The following TEKT3 variants were observed in gnomAD, a reference collection of about 807,000 sequenced individuals.
TEKT3 encodes tektin-3.
A neutral mutation model predicts 49.8 loss-of-function variants in TEKT3; 49 were observed. The ratio of observed to expected loss-of-function variants is 0.98; its 90% confidence interval spans 0.78 to 1.25. TEKT3 has a LOEUF of 1.25. Among genes scored for constraint, TEKT3 ranks in the 50% most tolerant of loss-of-function variants. The pLI is 0.00. For missense variants in TEKT3, 595 were observed against 629.5 expected (o/e 0.95, Z 0.59); for synonymous variants, 225 against 237.2 (o/e 0.95, Z 0.47).
chr17:15,335,493 G>A (rs1205692529), intron 2 of TEKT3, among the ~76,000 whole-genome samples: 1 of 152,152 alleles, frequency 6.6e-6, no homozygotes, highest in East Asian at 1.9e-4. Flanking sequence ...GTTAGAGGTA[G>A]GGCTGAACTA....
intron 6 of TEKT3, 144 bp from the exon 7 acceptor site, chr17:15,312,625 G>T (rs565107479): frequency 8.9e-6 from 6 of 677,652 alleles, no homozygotes; most frequent in South Asian, 2.0e-5. Flanking sequence ...TCAGAATGAG[G>T]CTTATTTTCA....
chr17:15,307,925 A>T (rs1003882179), intron 8 of TEKT3, among the ~76,000 whole-genome samples: 6 of 152,306 alleles, frequency 3.9e-5, no homozygotes, highest in Admixed American at 6.5e-5. Context: ...TGGCCAGTTC[A>T]TTACAAGTCC....
In TEKT3 at chr17:15,312,414, C is replaced by G; in HGVS notation, c.946G>C (p.Ala316Pro). 1 of 1,614,148 alleles carries G rather than the reference C, an allele frequency of 6.2e-7. No homozygotes were observed. The highest frequency in any genetic ancestry group is 1.1e-5 in the South Asian group (1 of 91,070). Residue 316 changes from alanine (A) to proline (P), a missense_variant, in exon 7 of 9, where the codon GCA (alanine) becomes CCA (proline). Coordinates refer to ENST00000395930, the MANE Select transcript of TEKT3 (RefSeq NM_031898.3). ...DNILRSQSER[A>P]ASAKLRDDIE... is the part of the protein sequence containing the mutation. ...TCGTCTCTTAGCTTAGCGGAAGCTG[C>G]CCGTTCACTCTGGGAGCGGAGAATA...
At chr17:15,322,195 C>T (rs962556637) in intron 4 of TEKT3, among the ~76,000 whole-genome samples, 6 of 152,106 alleles carry the variant, frequency 3.9e-5, no homozygotes, top group African/African-American at 7.2e-5. Flanking sequence ...GAAGTGAAAT[C>T]GCACTTGTAC....
intron 4 of TEKT3, among the ~76,000 whole-genome samples, chr17:15,322,908 G>A (rs1402484683): frequency 1.3e-5 from 2 of 152,192 alleles, no homozygotes; most frequent in South Asian, 2.1e-4. Flanking sequence ...AGTGAGCAGA[G>A]GCATTTCCTT....
rs766766465 is a variant in TEKT3 at position 15,331,250 on chromosome 17, A to G, written c.336T>C (p.Thr112=). The G allele has an allele frequency of 3.7e-6, 6 of 1,614,176 alleles. No homozygotes were observed. Among genetic ancestry groups the G allele is most frequent in the Non-Finnish European group, 5.1e-6 (6 of 1,180,024 alleles). Residue 112 remains threonine (T), a synonymous_variant, in exon 3 of 9, where the codon ACT becomes ACC. Coordinates refer to ENST00000395930, the MANE Select transcript of TEKT3 (RefSeq NM_031898.3). ...TTAGTTTCTCCGAATTATGTCGGGA[A>G]GTGTTGGACTCTTGATAGTTGGTTA... ...SNLTNYQESN[T]SRHNSEKLRV... is the part of the protein sequence containing the mutation.
chr17:15,331,278 T>C lies in TEKT3; in HGVS notation c.308A>G (p.Asn103Ser), dbSNP rs1911721238. 1.2e-6 allele frequency: 2 copies of C among 1,614,222 alleles called. No homozygotes were observed. Among genetic ancestry groups the C allele is most frequent in the South Asian group, 1.1e-5 (1 of 91,084 alleles). ...GTTGGACTCTTGATAGTTGGTTAAA[T>C]TGGACCTGTACCAGTCATCCGGTGT... Reference protein sequence around the residue: ...RYTPDDWYRSNLTNYQESNTS... With the variant: ...RYTPDDWYRSSLTNYQESNTS... The change falls in exon 3 of 9, where the codon AAT (asparagine) becomes AGT (serine). Residue 103 changes from asparagine (N) to serine (S), a missense_variant. Transcript: ENST00000395930.
intron 7 of TEKT3, among the ~76,000 whole-genome samples, chr17:15,311,950 C>A (rs1218295677): frequency 6.6e-6 from 1 of 152,160 alleles, no homozygotes; most frequent in Non-Finnish European, 1.5e-5. Context: ...AAATTCACTT[C>A]CTAGTTATAT....
chr17:15,326,085 G>A (rs189065764), intron 4 of TEKT3, among the ~76,000 whole-genome samples: 1 of 152,280 alleles, frequency 6.6e-6, no homozygotes, highest in African/African-American at 2.4e-5. Flanking sequence ...GGAAAGGAAA[G>A]AGCAAAGAAA....
intron 4 of TEKT3, among the ~76,000 whole-genome samples, chr17:15,324,459 G>A (rs982663076): frequency 2.0e-5 from 3 of 152,112 alleles, no homozygotes; most frequent in African/African-American, 7.2e-5. Flanking sequence ...AATGATGCTT[G>A]GGAGTAGAAC....
At chr17:15,343,306 A>G (rs1912288955), upstream of TEKT3, among the ~76,000 whole-genome samples, 1 of 152,226 alleles carries the variant, frequency 6.6e-6, no homozygotes, top group Non-Finnish European at 1.5e-5. Flanking sequence ...GGTTAAATTG[A>G]TCAACTCTGT....
chr17:15,321,064 C>T (rs961211238), intron 4 of TEKT3, among the ~76,000 whole-genome samples: 3 of 149,850 alleles, frequency 2.0e-5, no homozygotes, highest in Non-Finnish European at 4.4e-5. Flanking sequence ...GGCCGGAGTG[C>T]AGTGGCGCGA....
intron 2 of TEKT3, among the ~76,000 whole-genome samples, chr17:15,338,707 C>T (rs1337969639): frequency 7.6e-6 from 1 of 130,754 alleles, no homozygotes; most frequent in Non-Finnish European, 1.6e-5. Context: ...TTAGTAGAGA[C>T]GGGTTTCACC....
chr17:15,334,499 T>C (rs1329096568), intron 2 of TEKT3, among the ~76,000 whole-genome samples: 1 of 152,204 alleles, frequency 6.6e-6, no homozygotes, highest in Non-Finnish European at 1.5e-5. Flanking sequence ...ATGTTTGAAA[T>C]GTGAGTCATC....
At chr17:15,338,740 T>C (rs1462145754) in intron 2 of TEKT3, among the ~76,000 whole-genome samples, 3 of 147,232 alleles carry the variant, frequency 2.0e-5, no homozygotes, top group Non-Finnish European at 3.0e-5. Context: ...ATGGTCTCGA[T>C]CTCCTGAACT....
Position 15,331,247 on chromosome 17 carries a change from G to C in TEKT3, c.339C>G (p.Ser113=). ...CTCTTAGTTTCTCCGAATTATGTCG[G>C]GAAGTGTTGGACTCTTGATAGTTGG... ...NLTNYQESNT[S]RHNSEKLRVD... is the part of the protein sequence containing the mutation. Residue 113 remains serine, a synonymous_variant, in exon 3 of 9, where the codon TCC becomes TCG. Coordinates refer to ENST00000395930, the MANE Select transcript of TEKT3 (RefSeq NM_031898.3). 6.2e-7 allele frequency: 1 copy of C among 1,614,192 alleles called. No individual in the cohort carries two copies.
At chr17:15,334,736 T>A (rs1317996805) in intron 2 of TEKT3, among the ~76,000 whole-genome samples, 3 of 152,208 alleles carry the variant, frequency 2.0e-5, no homozygotes, top group Admixed American at 6.5e-5. Context: ...GAGAATATTT[T>A]ACAGCCACAC....
intron 6 of TEKT3, among the ~76,000 whole-genome samples, chr17:15,313,623 C>A (rs1270668545): frequency 6.6e-6 from 1 of 152,138 alleles, no homozygotes; most frequent in African/African-American, 2.4e-5. Context: ...ATTCTCCTGC[C>A]TCAGCCTCCT....
chr17:15,327,580 T>C (rs1911545085), intron 4 of TEKT3, among the ~76,000 whole-genome samples: 1 of 152,156 alleles, frequency 6.6e-6, no homozygotes, highest in Admixed American at 6.5e-5. Context: ...TAAATGAGTA[T>C]ACCCTATTCA....
Sources: gnomAD v4.1 joint callset for allele counts (sites outside exome capture counted in the v4.1 genomes callset) on GRCh38, gnomAD v4.1.1 for gene constraint, MANE v1.5 for transcripts, NCBI Gene and HGNC (gene_info 2026-07-23, HGNC 2026-07-21) for gene names.